TRMU: variants seen among roughly 807,000 people sequenced by gnomAD.
TRMU encodes mitochondrial tRNA-specific 2-thiouridylase 1.
Under a neutral mutation model 46.9 loss-of-function variants are expected in TRMU, and 49 were observed. The ratio of observed to expected loss-of-function variants is 1.05; its 90% confidence interval spans 0.83 to 1.33. The LOEUF is 1.33. TRMU is among the 40% of genes most tolerant of loss of function. The pLI is 0.00. For synonymous variants in TRMU, 241 were observed against 200.9 expected (o/e 1.20, Z -1.69); for missense variants, 572 against 532.4 (o/e 1.07, Z -0.73).
intron 4 of TRMU, 63 bp downstream of exon 4, chr22:46,346,607 T>C (rs1002601027): frequency 1.3e-6 from 2 of 1,574,070 alleles, no homozygotes; most frequent in Admixed American, 1.7e-5. Flanking sequence ...TTTGGAGGAA[T>C]GACAGTGGGT....
At chr22:46,340,255 C>G (rs115708376) in intron 2 of TRMU, among the ~76,000 whole-genome samples, 1,559 of 152,188 alleles carry the variant, frequency 0.01, 28 homozygotes, top group African/African-American at 0.037. Flanking sequence ...GGCTTAGGGA[C>G]TGATGTGTGT....
Position 46,355,605 on chromosome 22 carries a change from C to G in TRMU, c.1018+17C>G. The stretch of plus-strand genomic sequence containing the variant: ...TGGCACTAGGTGACTGACGGGAGGG[C>G]TCCTGAGGACGGGCCCCTTGAAGCT... On this transcript the variant is annotated intron_variant, in intron 9 of 10. Coordinates refer to ENST00000645190, the MANE Select transcript of TRMU (RefSeq NM_018006.5). The G allele has an allele frequency of 6.2e-7, 1 of 1,613,228 alleles. No individual in the cohort carries two copies. The highest frequency in any genetic ancestry group is 1.1e-5 in the South Asian group (1 of 91,090).
chr22:46,340,720 G>T (rs1028374327), intron 2 of TRMU, among the ~76,000 whole-genome samples: 2 of 146,254 alleles, frequency 1.4e-5, no homozygotes, highest in African/African-American at 5.1e-5. Context: ...TTAAACCCCA[G>T]AATTAGGAGC....
rs2078280806 is a variant in TRMU at position 46,347,157 on chromosome 22, A to G, written c.478+613A>G. On this transcript the variant is annotated intron_variant, in intron 4 of 10. Coordinates refer to ENST00000645190, the MANE Select transcript of TRMU (RefSeq NM_018006.5). This position sits in a 1 kb window ranked among gnomAD's most constrained non-coding sequence, Gnocchi z 5.0. ...GAGGAATTCCCTGTATTGTTGAGTG[A>G]AAAACCAAGTGGGGCTCAGAGCCGT... 6.6e-6 allele frequency among the ~76,000 whole-genome samples: 1 copy of G among 152,190 alleles called. No individual in the cohort carries two copies. Among genetic ancestry groups the G allele is most frequent in the South Asian group, 2.1e-4 (1 of 4,830 alleles).
In TRMU at chr22:46,355,433, C is replaced by A; in HGVS notation, c.874-11C>A. 1 of 1,612,630 alleles carries A rather than the reference C, an allele frequency of 6.2e-7. No individual in the cohort carries two copies. Among genetic ancestry groups the A allele is most frequent in the Non-Finnish European group, 8.5e-7 (1 of 1,179,800 alleles). Reference sequence around the variant, plus strand: ...CCCTCGGCGTCCCCACCTTCACATTCCATTCTGCAGGCCCCCCGGACAGAC... The same window carrying A: ...CCCTCGGCGTCCCCACCTTCACATTACATTCTGCAGGCCCCCCGGACAGAC... On this transcript the variant is annotated splice_polypyrimidine_tract_variant and intron_variant, in intron 8 of 10. Coordinates refer to ENST00000645190, the MANE Select transcript of TRMU (RefSeq NM_018006.5).
At chr22:46,353,615 C>T in intron 7 of TRMU, 152 bp from the exon 8 acceptor site, 3 of 693,696 alleles carry the variant, frequency 4.3e-6, no homozygotes, top group Admixed American at 4.1e-5. Context: ...TCAGGGCTGG[C>T]TTTGGTGGTT....
In TRMU at chr22:46,337,958, A is replaced by C; in HGVS notation, c.248+14A>C. On this transcript the variant is annotated intron_variant, in intron 2 of 10. Transcript: ENST00000645190. ...TGATGTGTTCAGGTGAGTGCGGGTC[A>C]CAGCACAAAGGAAGCTTCCTCACAC... 6.2e-7 allele frequency: 1 copy of C among 1,613,892 alleles called. No homozygotes were observed. The highest frequency in any genetic ancestry group is 1.3e-5 in the African/African-American group (1 of 74,888).
rs1015044204 is a variant in TRMU, at chr22:46,350,697, A to G, written c.651+234A>G. On this transcript the variant is annotated intron_variant, in intron 5 of 10. Transcript: ENST00000645190. The surrounding 1 kb of genome is among the most constrained non-coding windows in gnomAD (Gnocchi z 4.6). ...TGCTTTTTTCCTCTCCTCTGCCCCT[A>G]TGTGGTAGGCAGCTTTCCCCACAGC... Among the ~76,000 whole-genome samples the G allele has an allele frequency of 1.3e-5, 2 of 151,932 alleles. No individual in the cohort carries two copies. The highest frequency in any genetic ancestry group is 2.4e-5 in the African/African-American group (1 of 41,352).
Position 46,356,039 on chromosome 22 carries a change from T to G in TRMU, c.1068T>G (p.Ala356=). 2.5e-6 allele frequency: 4 copies of G among 1,613,982 alleles called. No homozygotes were observed. Among genetic ancestry groups the G allele is most frequent in the Non-Finnish European group, 3.4e-6 (4 of 1,179,964 alleles). Residue 356 remains alanine, a synonymous_variant, in exon 10 of 11, where the codon GCT becomes GCG. Transcript: ENST00000645190. Reference sequence around the variant, plus strand: ...AAGATGGCACCGTGTGGGTGACAGCTGTGCAGGCTGTGCGTGCCCTTGCCA... The same window carrying G: ...AAGATGGCACCGTGTGGGTGACAGCGGTGCAGGCTGTGCGTGCCCTTGCCA... ...LNQDGTVWVT[A]VQAVRALATG...
chr22:46,356,263 C>T (rs1291759593), intron 10 of TRMU, 191 bp downstream of exon 10: 4 of 621,144 alleles, frequency 6.4e-6, no homozygotes, highest in Non-Finnish European at 1.1e-5. Flanking sequence ...AGAGGATTTC[C>T]ACTCTGGTGT....
At position 46,337,819 on chromosome 22, in the gene TRMU, A is replaced by G. The variant is rs2078018011; in HGVS notation, c.123A>G (p.Ser41=). 5.6e-6 allele frequency: 9 copies of G among 1,614,250 alleles called. No individual in the cohort carries two copies. The highest frequency in any genetic ancestry group is 1.1e-5 in the South Asian group (1 of 91,086). The change falls in exon 2 of 11, where the codon TCA becomes TCG. Residue 41 remains serine (S), a synonymous_variant. Transcript: ENST00000645190. ...GGGTGTTTATGAAGAACTGGGACTC[A>G]CTGGATGAACATGGGGTCTGTACTG... is the stretch of plus-strand genomic sequence containing the variant. The part of the protein sequence containing the change: ...VTGVFMKNWD[S]LDEHGVCTAD...
At chr22:46,345,581 GA>G (rs111571742) in intron 3 of TRMU, among the ~76,000 whole-genome samples, 5 of 152,252 alleles carry the variant, frequency 3.3e-5, no homozygotes, top group African/African-American at 1.2e-4. Context: ...GAATAGACCT[GA>G]GATTTTTCTT....
rs1461784538 is a variant in TRMU, at chr22:46,348,857, A to G, written c.479-1434A>G. 6.6e-6 allele frequency among the ~76,000 whole-genome samples: 1 copy of G among 152,166 alleles called. No individual in the cohort carries two copies. The highest frequency in any genetic ancestry group is 6.5e-5 in the Admixed American group (1 of 15,274). On this transcript the variant is annotated intron_variant, in intron 4 of 10. Coordinates refer to ENST00000645190, the MANE Select transcript of TRMU (RefSeq NM_018006.5). This position sits in a 1 kb window ranked among gnomAD's most constrained non-coding sequence, Gnocchi z 4.8. ...GGGATTGAAAGTGGACTCTGAGGCC[A>G]GGTGCGGTGGCTCATGCCTGTAATC... is the stretch of plus-strand genomic sequence containing the variant.
chr22:46,355,156 T>G lies in TRMU; in HGVS notation c.874-288T>G, dbSNP rs146195286. 425 of 538,744 alleles carry G rather than the reference T, an allele frequency of 7.9e-4. 1 individual carries two copies. The highest frequency in any genetic ancestry group is 7.0e-3 in the African/African-American group (370 of 52,642). The allele number at this position is 538,744 out of a possible 1,614,324, so 33.4% of individuals were successfully genotyped here. A position where few individuals can be genotyped will look rare whatever the true frequency, so the allele number is the denominator to read the frequency against. ...GCAGGTAGAGGGCCTGAGTCAGACT[T>G]GAACCTGCAGCATTCACTGTCATGG... is the stretch of plus-strand genomic sequence containing the variant. On this transcript the variant is annotated intron_variant, in intron 8 of 10. Coordinates refer to ENST00000645190, the MANE Select transcript of TRMU (RefSeq NM_018006.5).
At chr22:46,355,968 A>G (rs778641409) in intron 9 of TRMU, 22 bp from the exon 10 acceptor site, 10 of 1,613,220 alleles carry the variant, frequency 6.2e-6, no homozygotes, top group South Asian at 5.5e-5. Context: ...GCCCCCTCCA[A>G]GGGCCCCTCT....
Position 46,346,508 on chromosome 22 carries a change from G to A in TRMU, c.442G>A (p.Glu148Lys), listed in dbSNP as rs34012206. The change falls in exon 4 of 11, where the codon GAA becomes AAA. Residue 148 changes from glutamate to lysine, a missense_variant. Physicochemically the swap from Glu to Lys is moderately conservative, Grantham distance 56 (BLOSUM62 1). Coordinates refer to ENST00000645190, the MANE Select transcript of TRMU (RefSeq NM_018006.5). ...VFEQKHVKKP[E>K]GLFRNRFEVR... ...TGAGCAGAAGCACGTTAAGAAGCCC[G>A]AAGGGCTTTTCAGAAATCGGTTTGA... 4,397 of 1,613,038 alleles carry A rather than the reference G, an allele frequency of 2.7e-3. 102 individuals are homozygous for A. The African/African-American group carries it at 0.05, about 19-fold the overall frequency.
rs1482740433 is a variant in TRMU, at chr22:46,349,424, C to A, written c.479-867C>A. The stretch of plus-strand genomic sequence containing the variant: ...CGGCAGATGGAAAACACTAGCTACG[C>A]AGAGTGTGTACTGTACACGTGGCTC... On this transcript the variant is annotated intron_variant, in intron 4 of 10. Coordinates refer to ENST00000645190, the MANE Select transcript of TRMU (RefSeq NM_018006.5). The surrounding 1 kb of genome is among the most constrained non-coding windows in gnomAD (Gnocchi z 4.6). Among the ~76,000 whole-genome samples the A allele has an allele frequency of 6.6e-6, 1 of 152,228 alleles. No homozygotes were observed. Among genetic ancestry groups the A allele is most frequent in the Non-Finnish European group, 1.5e-5 (1 of 68,042 alleles).
chr22:46,339,376 C>G lies in TRMU; in HGVS notation c.248+1432C>G, dbSNP rs1420349274. Among the ~76,000 whole-genome samples, 1 of 152,230 alleles carries G rather than the reference C, an allele frequency of 6.6e-6. No homozygotes were observed. Among genetic ancestry groups the G allele is most frequent in the Non-Finnish European group, 1.5e-5 (1 of 68,042 alleles). ...TGTTGGCCGGGCTAGTCTCAGACTC[C>G]TGACCTCAGAAGATCCACTCGTCTC... is the stretch of plus-strand genomic sequence containing the variant. On this transcript the variant is annotated intron_variant, in intron 2 of 10. Transcript: ENST00000645190. The surrounding 1 kb of genome is among the most constrained non-coding windows in gnomAD (Gnocchi z 4.8).
At position 46,346,475 on chromosome 22, in the gene TRMU, G is replaced by A. The variant is rs2078260891; in HGVS notation, c.409G>A (p.Glu137Lys). ...HYARTSLEDE[E>K]VFEQKHVKKP... ...TGCAAGAACTTCCCTGGAAGATGAAGAAGTCTTTGAGCAGAAGCACGTTAA... is the reference window on the plus strand; with the variant it reads ...TGCAAGAACTTCCCTGGAAGATGAAAAAGTCTTTGAGCAGAAGCACGTTAA... Residue 137 changes from glutamate to lysine, a missense_variant, in exon 4 of 11, where the codon GAA becomes AAA. Transcript: ENST00000645190. 6.2e-7 allele frequency: 1 copy of A among 1,613,762 alleles called. No individual in the cohort carries two copies. Among genetic ancestry groups the A allele is most frequent in the East Asian group, 2.2e-5 (1 of 44,886 alleles).
Sources: gnomAD v4.1 joint callset for allele counts (sites outside exome capture counted in the v4.1 genomes callset) on GRCh38, gnomAD v4.1.1 for gene constraint, Gnocchi (gnomAD v3.1) non-coding constraint, MANE v1.5 for transcripts, NCBI Gene and HGNC (gene_info 2026-07-23, HGNC 2026-07-21) for gene names.